Variants in SLC25A35 observed in about 807,000 individuals in gnomAD.
SLC25A35 encodes solute carrier family 25 member 35.
A neutral mutation model predicts 30.5 loss-of-function variants in SLC25A35; 32 were observed. The ratio of observed to expected loss-of-function variants is 1.05; its 90% CI spans 0.79 to 1.41. SLC25A35 has a LOEUF of 1.41. Ranked by LOEUF, SLC25A35 falls within the 40% of genes most tolerant of loss-of-function variation. SLC25A35 has a pLI of 0.00. For synonymous variants in SLC25A35, 142 were observed against 158.1 expected, an observed-to-expected ratio of 0.90 and a Z score of 0.77; for missense variants, 369 against 388.0, an observed-to-expected ratio of 0.95 and a Z score of 0.41.
downstream of SLC25A35, chr17:8,288,435 GTCAA>G (rs138372313): frequency 4.6e-3 from 1,732 of 376,854 alleles, 11 homozygotes; most frequent in African/African-American, 0.018. Flanking sequence ...AGCGAGACCT[GTCAA>G]TCAATCAATC....
At chr17:8,289,477 A>G, downstream of SLC25A35, 3 of 1,614,158 alleles carry the variant, frequency 1.9e-6, no homozygotes, top group Non-Finnish European at 2.5e-6. Context: ...AGATCCAGGT[A>G]AGCATCCTGA....
chr17:8,288,706 C>A (rs557386472), downstream of SLC25A35: 36 of 1,512,608 alleles, frequency 2.4e-5, no homozygotes, highest in Admixed American at 3.3e-5. Flanking sequence ...GTGGCAGCTG[C>A]GAAACCCAGG....
At chr17:8,289,991 G>C (rs1990358187), downstream of SLC25A35, 5 of 1,610,582 alleles carry the variant, frequency 3.1e-6, no homozygotes, top group Non-Finnish European at 4.2e-6. Context: ...GGTTCTGTGA[G>C]GGGGAAAAGA....
At chr17:8,288,645 G>C, downstream of SLC25A35, 1 of 956,698 alleles carries the variant, frequency 1.0e-6, no homozygotes, top group Non-Finnish European at 1.7e-6. Context: ...GAGAGCGCAG[G>C]GCGGAGCCAA....
At chr17:8,289,103 C>A, downstream of SLC25A35, 14 of 1,608,658 alleles carry the variant, frequency 8.7e-6, no homozygotes, top group Non-Finnish European at 1.2e-5. Context: ...TGGCCAATGG[C>A]AGGGGCGGGG....
chr17:8,293,718 A>AT (rs1286548946), intron 1 of SLC25A35, among the ~76,000 whole-genome samples: 19 of 149,430 alleles, frequency 1.3e-4, no homozygotes, highest in Non-Finnish European at 4.4e-5. Flanking sequence ...CGCCCGGCTA[A>AT]TTTTTTGTAT....
downstream of SLC25A35, chr17:8,289,483 C>G: frequency 6.2e-7 from 1 of 1,614,136 alleles, no homozygotes; most frequent in Non-Finnish European, 8.5e-7. Flanking sequence ...AGGTAAGCAT[C>G]CTGACTCTGA....
At chr17:8,289,466 G>A (rs1408595396), downstream of SLC25A35, 9 of 1,614,066 alleles carry the variant, frequency 5.6e-6, no homozygotes, top group South Asian at 9.9e-5. Flanking sequence ...CGGGGACGCA[G>A]AGATCCAGGT....
Position 8,291,488 on chromosome 17 carries a change from A to G in SLC25A35, c.442-3T>C, listed in dbSNP as rs754478760. On this transcript the variant is annotated splice_polypyrimidine_tract_variant and splice_region_variant and intron_variant, in intron 2 of 4. Coordinates refer to ENST00000577745, the MANE Select transcript of SLC25A35 (RefSeq NM_001320870.2). ...TCGGTTAGCGCCTGAAACATGCCCT[A>G]GTGTGGGGAAGACCGGGGGTGGGGT... The G allele has an allele frequency of 9.3e-5, 149 of 1,609,918 alleles. No individual in the cohort carries two copies. In the South Asian group the frequency reaches 1.3e-3, roughly 14 times the overall value.
Position 8,290,162 on chromosome 17 carries a change from T to C in SLC25A35, c.*343A>G. 7.0e-7 allele frequency: 1 copy of C among 1,435,944 alleles called. No individual in the cohort carries two copies. Among genetic ancestry groups the C allele is most frequent in the Non-Finnish European group, 9.1e-7 (1 of 1,099,524 alleles). 89.0% of individuals were successfully genotyped at this position (1,435,944 alleles called of 1,614,324 possible). A position where few individuals can be genotyped will look rare whatever the true frequency, so the allele number is the denominator to read the frequency against. The stretch of plus-strand genomic sequence containing the variant: ...CTGGGAATTGGGTCTCTCGATTCCC[T>C]TTGGTTTTGGAGGGAGGAGTTTAAA... On this transcript the variant is annotated 3_prime_UTR_variant, in exon 5 of 5. Transcript: ENST00000577745.
In SLC25A35 at chr17:8,290,352, G is replaced by A. The variant is rs1054110006; in HGVS notation, c.*153C>T. ...AGGAAAGAAGGGAAACTCATCTCTT[G>A]TAGTGATTCAACCCTGAGAACAGAT... On this transcript the variant is annotated 3_prime_UTR_variant, in exon 5 of 5. Transcript: ENST00000577745. The A allele has an allele frequency of 6.9e-7, 1 of 1,441,626 alleles. No homozygotes were observed. Among genetic ancestry groups the A allele is most frequent in the Non-Finnish European group, 9.1e-7 (1 of 1,103,230 alleles). The allele number at this position is 1,441,626 out of a possible 1,614,324, so 89.3% of individuals were successfully genotyped here. A position where few individuals can be genotyped will look rare whatever the true frequency, so the allele number is the denominator to read the frequency against.
chr17:8,290,611 A>T lies in SLC25A35; in HGVS notation c.797T>A (p.Met266Lys). Residue 266 changes from methionine to lysine, a missense_variant, in exon 5 of 5, where the codon ATG becomes AAG. Transcript: ENST00000577745. ...QTARTEGIFG[M>K]YKGIGASYFR... is the part of the protein sequence containing the mutation. ...GTAGGAGGCACCTATACCCTTGTAC[A>T]TGCCAAAAATGCCCTCGGTCCGAGC... The T allele has an allele frequency of 2.0e-6, 3 of 1,537,214 alleles. No homozygotes were observed. The highest frequency in any genetic ancestry group is 2.6e-6 in the Non-Finnish European group (3 of 1,147,234).
chr17:8,294,480 C>A lies in SLC25A35; in HGVS notation c.328G>T (p.Ala110Ser). The change falls in exon 1 of 5, where the codon GCC (alanine) becomes TCC (serine). Residue 110 changes from alanine to serine, a missense_variant. Physicochemically the swap from Ala to Ser is moderately conservative, Grantham distance 99. Transcript: ENST00000577745. ...HSPARSAAAG[A>S]MAGVMGAYLG... Reference sequence around the variant, plus strand: ...TAGGCTCCCATGACCCCAGCCATGGCCCCAGCTGCTGCGCTGCGGGCAGGA... The same window carrying A: ...TAGGCTCCCATGACCCCAGCCATGGACCCAGCTGCTGCGCTGCGGGCAGGA... 6.2e-7 allele frequency: 1 copy of A among 1,608,426 alleles called. No individual in the cohort carries two copies. Among genetic ancestry groups the A allele is most frequent in the Non-Finnish European group, 8.5e-7 (1 of 1,177,372 alleles).
At chr17:8,289,131 G>C (rs973126905), downstream of SLC25A35, 3 of 1,602,330 alleles carry the variant, frequency 1.9e-6, no homozygotes, top group Admixed American at 5.0e-5. Context: ...AGTGGGCGGG[G>C]CCCGCGGCCG....
chr17:8,292,564 C>T lies in SLC25A35; in HGVS notation c.400G>A (p.Ala134Thr), dbSNP rs1210242145. The change falls in exon 2 of 5, where the codon GCA becomes ACA. Residue 134 changes from alanine (A) to threonine (T), a missense_variant. Ala to Thr is a moderately conservative substitution (Grantham distance 58). Transcript: ENST00000577745. ...TGCCCTACAGCAATTTCTGAGGCTG[C>T]CTGTGCCTGCAGGTGTGTCTTCACC... is the stretch of plus-strand genomic sequence containing the variant. ...YMVKTHLQAQAASEIAVGHQY... is the reference protein window; with the variant it reads ...YMVKTHLQAQTASEIAVGHQY... 6.2e-7 allele frequency: 1 copy of T among 1,614,068 alleles called. No homozygotes were observed. Among genetic ancestry groups the T allele is most frequent in the East Asian group, 2.2e-5 (1 of 44,874 alleles).
At position 8,290,527 on chromosome 17, in the gene SLC25A35, A is replaced by G; in HGVS notation, c.881T>C (p.Leu294Pro). 6.5e-7 allele frequency: 1 copy of G among 1,536,034 alleles called. No homozygotes were observed. The highest frequency in any genetic ancestry group is 8.7e-7 in the Non-Finnish European group (1 of 1,146,852). ...SLFFWDQLRS[L>P]YYTDTK Reference sequence around the variant, plus strand: ...CTGTTATTTAGTGTCTGTGTAGTAGAGGGAGCGCAGCTGGTCCCAGAAGAA... The same window carrying G: ...CTGTTATTTAGTGTCTGTGTAGTAGGGGGAGCGCAGCTGGTCCCAGAAGAA... The change falls in exon 5 of 5, where the codon CTC becomes CCC. Residue 294 changes from leucine (L) to proline (P), a missense_variant. Transcript: ENST00000577745.
Position 8,294,508 on chromosome 17 carries a change from G to A in SLC25A35, c.300C>T (p.His100=). 1 of 1,613,668 alleles carries A rather than the reference G, an allele frequency of 6.2e-7. No homozygotes were observed. The highest frequency in any genetic ancestry group is 8.5e-7 in the Non-Finnish European group (1 of 1,179,956). ...GGYLHTAEGT[H]SPARSAAAGA... The stretch of plus-strand genomic sequence containing the variant: ...CAGCTGCTGCGCTGCGGGCAGGACT[G>A]TGGGTGCCTTCGGCTGTGTGCAGGT... The change falls in exon 1 of 5, where the codon CAC becomes CAT. Residue 100 remains histidine (H), a synonymous_variant. Coordinates refer to ENST00000577745, the MANE Select transcript of SLC25A35 (RefSeq NM_001320870.2).
chr17:8,291,277 C>T (rs2151615596), intron 3 of SLC25A35, 56 bp downstream of exon 3: 1 of 1,600,154 alleles, frequency 6.2e-7, no homozygotes, highest in Non-Finnish European at 8.5e-7. Flanking sequence ...CCTAGTGCAG[C>T]TTGCCCTCCC....
At chr17:8,288,657 T>C (rs574744699), downstream of SLC25A35, 43 of 1,075,562 alleles carry the variant, frequency 4.0e-5, no homozygotes, top group Admixed American at 1.9e-4. Context: ...CGGAGCCAAA[T>C]CTTAAAGGAT....
Sources: gnomAD v4.1 joint callset for allele counts (sites outside exome capture counted in the v4.1 genomes callset) on GRCh38, gnomAD v4.1.1 for gene constraint, MANE v1.5 for transcripts, NCBI Gene and HGNC (gene_info 2026-07-23, HGNC 2026-07-21) for gene names.